RBFOX1: variants seen among roughly 807,000 people sequenced by gnomAD.
The protein encoded by RBFOX1 is RNA binding protein fox-1 homolog 1.
RBFOX1 carries 8 observed loss-of-function variants against 57.7 expected under a neutral mutation model. The observed-to-expected ratio is 0.14, with a 90% CI of 0.08 to 0.25. RBFOX1 has a LOEUF of 0.25. Ranked by LOEUF, RBFOX1 falls within the 10% of genes least tolerant of loss-of-function variation. RBFOX1 has a pLI of 1.00. For synonymous variants in RBFOX1, 326 were observed against 222.4 expected (o/e 1.47, Z -4.15); for missense variants, 611 against 548.5 (o/e 1.11, Z -1.14).
intron 4 of RBFOX1, among the ~76,000 whole-genome samples, chr16:7,495,312 C>A (rs1326496658): frequency 6.6e-6 from 1 of 152,134 alleles, no homozygotes; most frequent in South Asian, 2.1e-4. Flanking sequence ...ATAACAATTT[C>A]TTTTCCTTTG....
chr16:6,491,032 C>T lies in RBFOX1; in HGVS notation c.-63-163571C>T, dbSNP rs75686955. On this transcript the variant is annotated intron_variant, in intron 2 of 15. Coordinates refer to ENST00000550418, the MANE Select transcript of RBFOX1 (RefSeq NM_018723.4). Reference sequence around the variant, plus strand: ...AAATAAATGAGATGAACCCACATAACCAAGACTACCCAGTAAAGTTCTGTA... The same window carrying T: ...AAATAAATGAGATGAACCCACATAATCAAGACTACCCAGTAAAGTTCTGTA... Among the ~76,000 whole-genome samples the T allele has an allele frequency of 6.3e-3, 957 of 152,068 alleles. 19 individuals are homozygous for T. The highest frequency in any genetic ancestry group is 0.022 in the African/African-American group (909 of 41,486).
At chr16:7,691,061 T>A (rs1454216980) in intron 14 of RBFOX1, among the ~76,000 whole-genome samples, 1 of 152,142 alleles carries the variant, frequency 6.6e-6, no homozygotes, top group Non-Finnish European at 1.5e-5. Flanking sequence ...AGAAAGGCAC[T>A]TTCTGACACC....
At chr16:6,499,466 C>G (rs1350973082) in intron 2 of RBFOX1, among the ~76,000 whole-genome samples, 4 of 151,994 alleles carry the variant, frequency 2.6e-5, no homozygotes, top group Non-Finnish European at 5.9e-5. Context: ...ATCACACAGC[C>G]TAGGGACAAT....
chr16:7,710,071 T>A, intron 15 of RBFOX1: 1 of 1,000,560 alleles, frequency 1.0e-6, no homozygotes, highest in Non-Finnish European at 1.2e-6. Flanking sequence ...AATTCAGCCA[T>A]GATTTGGAAG....
intron 3 of RBFOX1, among the ~76,000 whole-genome samples, chr16:6,699,196 C>T (rs1359628113): frequency 6.6e-6 from 1 of 152,064 alleles, no homozygotes; most frequent in Non-Finnish European, 1.5e-5. Context: ...TATCAGTATG[C>T]AAGGCAGCAT....
chr16:5,953,757 A>G (rs1165542218), intron 4 of RBFOX1, among the ~76,000 whole-genome samples: 3 of 151,316 alleles, frequency 2.0e-5, no homozygotes, highest in Admixed American at 6.6e-5. Flanking sequence ...CACTTGATTG[A>G]TGGACATTTG....
intron 4 of RBFOX1, among the ~76,000 whole-genome samples, chr16:7,258,452 A>C (rs374677626): frequency 3.9e-5 from 6 of 152,074 alleles, no homozygotes; most frequent in African/African-American, 1.2e-4. Flanking sequence ...TTCATCTTCT[A>C]TATTCTCCTA....
intron 4 of RBFOX1, among the ~76,000 whole-genome samples, chr16:7,209,383 G>T (rs748359040): frequency 6.6e-6 from 1 of 152,102 alleles, no homozygotes. Flanking sequence ...AAGGACACCA[G>T]TTAGATTAGA....
intron 3 of RBFOX1, among the ~76,000 whole-genome samples, chr16:6,655,454 A>G (rs2098643206): frequency 1.3e-5 from 2 of 150,702 alleles, no homozygotes; most frequent in South Asian, 4.2e-4. Context: ...CATATGAGCA[A>G]CAGCGTCCTA....
chr16:6,938,216 A>G (rs746850878), intron 3 of RBFOX1, among the ~76,000 whole-genome samples: 2 of 152,208 alleles, frequency 1.3e-5, no homozygotes. Flanking sequence ...CATTGTCCAG[A>G]TTAGATCATT....
chr16:5,719,202 C>CTTT (rs34350208), intron 3 of RBFOX1, among the ~76,000 whole-genome samples: 1 of 120,086 alleles, frequency 8.3e-6, no homozygotes, highest in African/African-American at 2.9e-5. Context: ...ATATTAGAAT[C>CTTT]TTTTTTTTTT....
intron 2 of RBFOX1, among the ~76,000 whole-genome samples, chr16:6,527,671 T>C (rs1429355014): frequency 6.6e-6 from 1 of 151,888 alleles, no homozygotes; most frequent in Non-Finnish European, 1.5e-5. Context: ...AAGCCACATA[T>C]TTAAGGAGAC....
intron 2 of RBFOX1, among the ~76,000 whole-genome samples, chr16:6,476,346 A>G (rs138020822): frequency 6.6e-6 from 1 of 152,190 alleles, no homozygotes; most frequent in African/African-American, 2.4e-5. Context: ...AGCAAGACCT[A>G]TAGATGTACA....
At chr16:6,674,336 T>C (rs2154114277) in intron 3 of RBFOX1, among the ~76,000 whole-genome samples, 1 of 152,082 alleles carries the variant, frequency 6.6e-6, no homozygotes, top group East Asian at 1.9e-4. Flanking sequence ...TCTTTTCTTT[T>C]TTTGAGTCAG....
chr16:5,498,109 G>T (rs917702882), intron 2 of RBFOX1, among the ~76,000 whole-genome samples: 2 of 152,108 alleles, frequency 1.3e-5, no homozygotes, highest in Non-Finnish European at 2.9e-5. Context: ...GTCACTGAAG[G>T]TCTTAGTAAG....
intron 1 of RBFOX1, among the ~76,000 whole-genome samples, chr16:5,259,444 A>G (rs758863010): frequency 7.2e-5 from 11 of 152,248 alleles, no homozygotes; most frequent in East Asian, 3.9e-4. Flanking sequence ...TGAAACTTCA[A>G]GCTGGGCTCT....
chr16:6,876,676 A>G (rs2061907503), intron 3 of RBFOX1, among the ~76,000 whole-genome samples: 1 of 152,122 alleles, frequency 6.6e-6, no homozygotes, highest in Non-Finnish European at 1.5e-5. Context: ...CTATTTCTTA[A>G]TCTTGGCTGG....
intron 4 of RBFOX1, among the ~76,000 whole-genome samples, chr16:7,437,090 C>G (rs991327579): frequency 6.6e-6 from 1 of 152,000 alleles, no homozygotes; most frequent in Non-Finnish European, 1.5e-5. Context: ...CAAAAAATCT[C>G]CTGACACCAG....
At chr16:7,457,656 G>A (rs1473140819) in intron 4 of RBFOX1, among the ~76,000 whole-genome samples, 1 of 152,006 alleles carries the variant, frequency 6.6e-6, no homozygotes, top group Non-Finnish European at 1.5e-5. Flanking sequence ...AATCCCCTTT[G>A]CTTGGTTTGA....
Sources: allele counts gnomAD v4.1 joint callset (sites outside exome capture counted in the v4.1 genomes callset), GRCh38; gene constraint gnomAD v4.1.1; transcripts MANE v1.5; gene names NCBI Gene and HGNC (gene_info 2026-07-23, HGNC 2026-07-21).